The following SNTB2 variants were observed in gnomAD, a reference collection of about 807,000 sequenced individuals.
The protein encoded by SNTB2 is beta-2-syntrophin.
A neutral mutation model predicts 46.2 loss-of-function variants in SNTB2; 34 were observed. That is an observed-to-expected ratio of 0.74 (90% CI 0.56 to 0.98). The LOEUF is 0.98. Among genes scored for constraint, SNTB2 ranks in the 50% least tolerant of loss-of-function variants. The pLI, the probability that SNTB2 is intolerant of heterozygous loss-of-function variation, is 0.00. For synonymous variants in SNTB2, 290 were observed against 312.6 expected, an observed-to-expected ratio of 0.93 and a Z score of 0.76; for missense variants, 603 against 731.4, an observed-to-expected ratio of 0.82 and a Z score of 2.02.
chr16:69,187,825 G>A, intron 1 of SNTB2, 79 bp downstream of exon 1: 1 of 1,191,844 alleles, frequency 8.4e-7, no homozygotes. Flanking sequence ...CTGCCCCGCC[G>A]GCGGGGCGAG....
chr16:69,261,911 TAAAAA>T (rs1208591644), intron 3 of SNTB2, among the ~76,000 whole-genome samples: 1 of 152,036 alleles, frequency 6.6e-6, no homozygotes, highest in Non-Finnish European at 1.5e-5. Context: ...TTTATGCAAA[TAAAAA>T]GAAAATATGA....
intron 3 of SNTB2, among the ~76,000 whole-genome samples, chr16:69,268,885 G>C (rs1187564306): frequency 3.3e-5 from 5 of 150,304 alleles, no homozygotes; most frequent in East Asian, 4.0e-4. Context: ...TAATAACACT[G>C]TGGGTCTAGT....
intron 1 of SNTB2, among the ~76,000 whole-genome samples, chr16:69,236,522 G>T (rs1378894583): frequency 6.6e-6 from 1 of 152,076 alleles, no homozygotes; most frequent in East Asian, 1.9e-4. Flanking sequence ...TTGTTTAGTG[G>T]GTATAGAGTT....
chr16:69,262,684 AT>A (rs952452970), intron 3 of SNTB2, among the ~76,000 whole-genome samples: 7 of 147,868 alleles, frequency 4.7e-5, no homozygotes, highest in African/African-American at 7.4e-5. Context: ...GAAATATACA[AT>A]TTTTTTTTTG....
At chr16:69,187,780 GC>G (rs1241072714) in intron 1 of SNTB2, 34 bp downstream of exon 1, 2 of 1,327,034 alleles carry the variant, frequency 1.5e-6, no homozygotes, top group Non-Finnish European at 9.7e-7. Context: ...TGGGCAGGCC[GC>G]GGCGGCCTGG....
chr16:69,251,777 C>T (rs1477143470), intron 2 of SNTB2, among the ~76,000 whole-genome samples: 1 of 151,740 alleles, frequency 6.6e-6, no homozygotes, highest in East Asian at 1.9e-4. Flanking sequence ...AGTGAAACTC[C>T]GTCTCAAAAA....
chr16:69,255,029 G>C (rs1473623527), intron 2 of SNTB2, among the ~76,000 whole-genome samples: 1 of 151,774 alleles, frequency 6.6e-6, no homozygotes, highest in Non-Finnish European at 1.5e-5. Flanking sequence ...AATCTCACCA[G>C]GCCATTTCTG....
chr16:69,264,139 C>T (rs1016850403), intron 3 of SNTB2, among the ~76,000 whole-genome samples: 3 of 152,106 alleles, frequency 2.0e-5, no homozygotes, highest in Non-Finnish European at 4.4e-5. Context: ...CTCCCACAGT[C>T]GCGAAGAGGC....
chr16:69,213,822 CTT>C (rs35759695), intron 1 of SNTB2, among the ~76,000 whole-genome samples: 232 of 91,630 alleles, frequency 2.5e-3, no homozygotes, highest in African/African-American at 8.8e-3. Context: ...TTTTAGAGTT[CTT>C]TTTTTTTTTT....
intron 1 of SNTB2, among the ~76,000 whole-genome samples, chr16:69,197,018 A>AT (rs551239753): frequency 0.053 from 7,465 of 140,718 alleles, 251 homozygotes; most frequent in Non-Finnish European, 0.075. Flanking sequence ...TCTTTTCCTC[A>AT]TTTTTTTTTT....
intron 5 of SNTB2, among the ~76,000 whole-genome samples, 160 bp downstream of exon 5, chr16:69,284,404 A>G (rs1965079819): frequency 6.8e-6 from 1 of 147,418 alleles, no homozygotes; most frequent in African/African-American, 2.5e-5. Flanking sequence ...CTAAGTGTAC[A>G]TATGTTAAGA....
At chr16:69,293,142 G>A (rs1216462113) in intron 5 of SNTB2, among the ~76,000 whole-genome samples, 2 of 152,172 alleles carry the variant, frequency 1.3e-5, no homozygotes, top group African/African-American at 2.4e-5. Flanking sequence ...ATAAAAGAGA[G>A]CAAGAGTGAA....
intron 5 of SNTB2, among the ~76,000 whole-genome samples, chr16:69,286,238 A>G (rs1050206590): frequency 6.6e-6 from 1 of 152,210 alleles, no homozygotes; most frequent in Admixed American, 6.5e-5. Flanking sequence ...GGCACAAGCC[A>G]CTGTGCCAGG....
chr16:69,217,958 A>G (rs527631624), intron 1 of SNTB2, among the ~76,000 whole-genome samples: 2 of 152,246 alleles, frequency 1.3e-5, no homozygotes, highest in African/African-American at 2.4e-5. Context: ...TCTGTTATCT[A>G]TTGTCTTTGT....
Position 69,250,316 on chromosome 16 carries a change from A to G in SNTB2, c.794+4501A>G, listed in dbSNP as rs191309201. 2.4e-3 allele frequency among the ~76,000 whole-genome samples: 369 copies of G among 152,326 alleles called. 2 individuals are homozygous for G. Among genetic ancestry groups the G allele is most frequent in the African/African-American group, 6.9e-3 (286 of 41,574 alleles). ...CTTGGCAGAAAAAATGTACAGAACCATTAACTAATTAGACCTCAGTTATGA... is the reference window on the plus strand; with the variant it reads ...CTTGGCAGAAAAAATGTACAGAACCGTTAACTAATTAGACCTCAGTTATGA... On this transcript the variant is annotated intron_variant, in intron 2 of 6. Coordinates refer to ENST00000336278, the MANE Select transcript of SNTB2 (RefSeq NM_006750.4).
rs1763677362 is a variant in SNTB2 at position 69,245,821 on chromosome 16, G to A, written c.794+6G>A. 1 of 1,613,492 alleles carries A rather than the reference G, an allele frequency of 6.2e-7. No homozygotes were observed. Among genetic ancestry groups the A allele is most frequent in the African/African-American group, 1.3e-5 (1 of 75,012 alleles). ...ATGCCGGATCTGGAAAACAGGTGAG[G>A]TGTACCTAACAAGAACATCATACCT... On this transcript the variant is annotated splice_donor_region_variant and intron_variant, in intron 2 of 6. Transcript: ENST00000336278.
chr16:69,207,037 G>T (rs985895565), intron 1 of SNTB2, among the ~76,000 whole-genome samples: 1 of 152,098 alleles, frequency 6.6e-6, no homozygotes, highest in East Asian at 1.9e-4. Flanking sequence ...AACGTGCTGG[G>T]ATTACAGGCA....
chr16:69,193,509 A>G (rs907738898), intron 1 of SNTB2, among the ~76,000 whole-genome samples: 2 of 150,956 alleles, frequency 1.3e-5, no homozygotes, highest in Admixed American at 6.6e-5. Flanking sequence ...TTGTATTTTT[A>G]GTAGAGACAG....
chr16:69,262,176 C>T (rs1292959238), intron 3 of SNTB2, among the ~76,000 whole-genome samples: 6 of 152,182 alleles, frequency 3.9e-5, no homozygotes, highest in Non-Finnish European at 8.8e-5. Context: ...ACATTATCTG[C>T]ATATATTCAG....
Sources: gnomAD v4.1 joint callset for allele counts (sites outside exome capture counted in the v4.1 genomes callset) on GRCh38, gnomAD v4.1.1 for gene constraint, MANE v1.5 for transcripts, NCBI Gene and HGNC (gene_info 2026-07-23, HGNC 2026-07-21) for gene names.